Variants in LRRC27 observed in about 807,000 individuals in gnomAD.
LRRC27 encodes the protein leucine-rich repeat-containing protein 27.
LRRC27 carries 57 observed loss-of-function variants against 55.0 expected under a neutral mutation model. That is an observed-to-expected ratio of 1.04 (90% CI 0.84 to 1.29). The LOEUF (loss-of-function observed/expected upper bound fraction) is 1.29. Among genes scored for constraint, LRRC27 ranks in the 50% most tolerant of loss-of-function variants. The pLI is 0.00. For missense variants in LRRC27, 721 were observed against 651.5 expected (o/e 1.11, Z -1.16); for synonymous variants, 278 against 251.9 (o/e 1.10, Z -0.98).
At chr10:132,351,809 G>A in intron 7 of LRRC27, 56 bp downstream of exon 7, 1 of 1,544,280 alleles carries the variant, frequency 6.5e-7, no homozygotes, top group Non-Finnish European at 8.7e-7. Context: ...CCGGAACTGG[G>A]ACTGGGCTGT....
rs2069367943 is a variant in LRRC27 at position 132,378,509 on chromosome 10, G to T, written c.*3267G>T. On this transcript the variant is annotated 3_prime_UTR_variant, in exon 11 of 11. Transcript: ENST00000368614. ...TTCGTGCGTACGAGTGTGTGCATGT[G>T]TGCGCCCGTGTGTATGTGCATATGT... is the stretch of plus-strand genomic sequence containing the variant. The T allele has an allele frequency of 1.3e-5, 2 of 151,988 alleles. No individual in the cohort carries two copies. The highest frequency in any genetic ancestry group is 6.6e-5 in the Admixed American group (1 of 15,252). 9.4% of individuals were successfully genotyped at this position (151,988 alleles called of 1,614,324 possible). A position where few individuals can be genotyped will look rare whatever the true frequency, so the allele number is the denominator to read the frequency against.
chr10:132,375,460 A>G lies in LRRC27; in HGVS notation c.*218A>G. 2 of 475,506 alleles carry G rather than the reference A, an allele frequency of 4.2e-6. No individual in the cohort carries two copies. Among genetic ancestry groups the G allele is most frequent in the Non-Finnish European group, 7.4e-6 (2 of 268,652 alleles). 29.5% of individuals were successfully genotyped at this position (475,506 alleles called of 1,614,324 possible). A position where few individuals can be genotyped will look rare whatever the true frequency, so the allele number is the denominator to read the frequency against. ...TATTAAAAGAAAGGACACTGTGAGC[A>G]CGTGGTCTCGCCTTCCCTTCTTCCT... On this transcript the variant is annotated 3_prime_UTR_variant, in exon 11 of 11. Transcript: ENST00000368614.
intron 7 of LRRC27, chr10:132,353,343 G>A (rs980134539): frequency 3.2e-5 from 35 of 1,088,824 alleles, no homozygotes; most frequent in East Asian, 6.7e-5. Context: ...CTCTTGCACC[G>A]CCCCTGTGGC....
At chr10:132,365,098 G>A (rs891541204) in intron 9 of LRRC27, among the ~76,000 whole-genome samples, 1 of 152,374 alleles carries the variant, frequency 6.6e-6, no homozygotes, top group African/African-American at 2.4e-5. Context: ...CCCTTCATGT[G>A]GTGCAGTGTG....
At chr10:132,331,882 C>T, upstream of LRRC27, 2 of 1,045,006 alleles carry the variant, frequency 1.9e-6, no homozygotes, top group Non-Finnish European at 1.4e-6. Context: ...CGCAGGCGCA[C>T]CACCCCCTGC....
rs2069353649 is a variant in LRRC27, at chr10:132,377,543, C to T, written c.*2301C>T. ...CGTCCGCCTCCCTTCCACAGGTAAG[C>T]ACGCAAGACACAGGTACCGTGTGCC... On this transcript the variant is annotated 3_prime_UTR_variant, in exon 11 of 11. Coordinates refer to ENST00000368614, the MANE Select transcript of LRRC27 (RefSeq NM_030626.3). 1 of 152,162 alleles carries T rather than the reference C, an allele frequency of 6.6e-6. No homozygotes were observed. The allele number at this position is 152,162 out of a possible 1,614,324, so 9.4% of individuals were successfully genotyped here.
At position 132,374,540 on chromosome 10, in the gene LRRC27, G is replaced by A. The variant is rs115960793; in HGVS notation, c.1417-526G>A. ...ACAGAAAGCCTGCCCCTGGTTTCAC[G>A]CTCAGCAAGTTCCTTCTCCTGTAGG... is the stretch of plus-strand genomic sequence containing the variant. On this transcript the variant is annotated intron_variant, in intron 10 of 10. Transcript: ENST00000368614. This position sits in a 1 kb window ranked among gnomAD's most constrained non-coding sequence, Gnocchi z 4.4. Among the ~76,000 whole-genome samples the A allele has an allele frequency of 0.017, 2,548 of 152,300 alleles. 62 individuals carry two copies. The highest frequency in any genetic ancestry group is 0.055 in the African/African-American group (2,280 of 41,554).
At position 132,344,633 on chromosome 10, in the gene LRRC27, G is replaced by A. The variant is rs752991280; in HGVS notation, c.536G>A (p.Arg179Lys). ...TGGGCAGTAGAACACTCTCTCCCCA[G>A]AAATCCAACTTCTCAAGGTTTGTAG... ...RMWAVEHSLP[R>K]NPTSQEAPPV... Residue 179 changes from arginine (R) to lysine (K), a missense_variant, in exon 5 of 11, where the codon AGA (arginine) becomes AAA (lysine). Arg to Lys is a conservative substitution (Grantham distance 26). Coordinates refer to ENST00000368614, the MANE Select transcript of LRRC27 (RefSeq NM_030626.3). The A allele has an allele frequency of 6.2e-7, 1 of 1,613,926 alleles. No homozygotes were observed. The highest frequency in any genetic ancestry group is 1.1e-5 in the South Asian group (1 of 91,074).
chr10:132,371,602 A>AATTAT (rs2069218311), intron 10 of LRRC27, among the ~76,000 whole-genome samples: 3 of 152,172 alleles, frequency 2.0e-5, no homozygotes, highest in Admixed American at 1.3e-4. Flanking sequence ...CTTTCCTGTA[A>AATTAT]TAATAGAGCC....
chr10:132,371,544 A>C (rs917405047), intron 10 of LRRC27, among the ~76,000 whole-genome samples: 1 of 152,166 alleles, frequency 6.6e-6, no homozygotes, highest in South Asian at 2.1e-4. Context: ...GGATGAGGAA[A>C]TGGAGAGGAG....
chr10:132,361,479 C>A lies in LRRC27; in HGVS notation c.1193C>A (p.Ala398Asp). The A allele has an allele frequency of 6.2e-7, 1 of 1,613,670 alleles. No homozygotes were observed. Among genetic ancestry groups the A allele is most frequent in the Non-Finnish European group, 8.5e-7 (1 of 1,179,748 alleles). ...TAGGTGGCATCAAAGATTCCCTCTG[C>A]CACAGATCTGATAGATAACAGGAAA... is the stretch of plus-strand genomic sequence containing the variant. Reference protein sequence around the residue: ...RSMVASKIPSATDLIDNRKVP... With the variant: ...RSMVASKIPSDTDLIDNRKVP... Residue 398 changes from alanine (A) to aspartate (D), a missense_variant, in exon 9 of 11, where the codon GCC (alanine) becomes GAC (aspartate). Ala to Asp is a moderately radical substitution (Grantham distance 126). Transcript: ENST00000368614.
At chr10:132,354,684 C>T (rs995642379) in intron 7 of LRRC27, among the ~76,000 whole-genome samples, 1 of 152,198 alleles carries the variant, frequency 6.6e-6, no homozygotes, top group African/African-American at 2.4e-5. Flanking sequence ...GGCCGTGGGC[C>T]GGGTAGAGCC....
intron 8 of LRRC27, among the ~76,000 whole-genome samples, chr10:132,358,779 C>T (rs1318369420): frequency 3.5e-4 from 20 of 57,232 alleles, no homozygotes; most frequent in African/African-American, 1.3e-3. Flanking sequence ...GGGGAGGAGC[C>T]GAGGTGGTGG....
At chr10:132,364,512 C>CACACCCACACTT (rs2068886122) in intron 9 of LRRC27, among the ~76,000 whole-genome samples, 2 of 126,266 alleles carry the variant, frequency 1.6e-5, no homozygotes, top group African/African-American at 3.5e-5. Context: ...CATCTACCTC[C>CACACCCACACTT]ACACTCGCAC....
chr10:132,341,155 G>A (rs1000910802), intron 3 of LRRC27, among the ~76,000 whole-genome samples: 1 of 151,986 alleles, frequency 6.6e-6, no homozygotes, highest in Admixed American at 6.5e-5. Flanking sequence ...CATTAGCCAG[G>A]CATGGTGGCA....
chr10:132,355,747 G>A lies in LRRC27; in HGVS notation c.1074-43G>A, dbSNP rs956479185. On this transcript the variant is annotated intron_variant, in intron 7 of 10. Transcript: ENST00000368614. Reference sequence around the variant, plus strand: ...CAGAGGAATCCTGTAGCCTTGGCTCGAAGCTGCCTGTAACTTATGACATTA... The same window carrying A: ...CAGAGGAATCCTGTAGCCTTGGCTCAAAGCTGCCTGTAACTTATGACATTA... 19 of 1,426,526 alleles carry A rather than the reference G, an allele frequency of 1.3e-5. No homozygotes were observed. The Admixed American group carries it at 2.6e-4, about 19-fold the overall frequency. 88.4% of individuals were successfully genotyped at this position (1,426,526 alleles called of 1,614,324 possible).
At chr10:132,361,868 AAGGGGAGACGCGAT>A (rs2068633499) in intron 9 of LRRC27, among the ~76,000 whole-genome samples, 1 of 151,482 alleles carries the variant, frequency 6.6e-6, no homozygotes, top group Non-Finnish European at 1.5e-5. Context: ...TGTGGGCGCC[AAGGGGAGACGCGAT>A]CCGAGATCCA....
intron 9 of LRRC27, among the ~76,000 whole-genome samples, chr10:132,364,407 C>CCACACCCACACTTACACCCA (rs1445929713): frequency 1.9e-5 from 1 of 52,718 alleles, no homozygotes; most frequent in Non-Finnish European, 4.2e-5. Context: ...ACATCTACCT[C>CCACACCCACACTTACACCCA]CACACCCGCG....
At chr10:132,336,985 C>A (rs543518882) in intron 2 of LRRC27, 26 of 450,306 alleles carry the variant, frequency 5.8e-5, no homozygotes, top group Non-Finnish European at 7.6e-5. Flanking sequence ...TTATTTGTCA[C>A]GACTTTACAA....
Sources: gnomAD v4.1 joint callset for allele counts (sites outside exome capture counted in the v4.1 genomes callset) on GRCh38, gnomAD v4.1.1 for gene constraint, Gnocchi (gnomAD v3.1) non-coding constraint, MANE v1.5 for transcripts, NCBI Gene and HGNC (gene_info 2026-07-23, HGNC 2026-07-21) for gene names.